The following ABCC4 variants were observed in gnomAD, a reference collection of about 807,000 sequenced individuals.
ABCC4 encodes the protein ATP binding cassette subfamily C member 4 (PEL blood group), also known as ATP-binding cassette sub-family C member 4.
In ABCC4, 102 loss-of-function variants were observed where a neutral mutation model predicts 168.5. The observed-to-expected ratio is 0.61, with a 90% CI of 0.52 to 0.71. ABCC4 has a LOEUF of 0.71. Among genes scored for constraint, ABCC4 ranks in the 30% least tolerant of loss-of-function variants. ABCC4 has a pLI of 0.00. For synonymous variants in ABCC4, 617 were observed against 590.7 expected (o/e 1.04, Z -0.65); for missense variants, 1,402 against 1,605.8 (o/e 0.87, Z 2.17).
rs114306497 is a variant in ABCC4, at chr13:95,236,547, G to A, written c.307-1713C>T. Among the ~76,000 whole-genome samples the A allele has an allele frequency of 5.3e-3, 804 of 152,124 alleles. 7 individuals carry two copies. The highest frequency in any genetic ancestry group is 0.019 in the African/African-American group (769 of 41,500). ...GAAGACATTCCCATCCCTCAGATGG[G>A]TCATGATATTAAATCCCAACAAGCC... On this transcript the variant is annotated intron_variant, in intron 3 of 30. Transcript: ENST00000645237.
chr13:95,273,424 G>A (rs573666919), intron 1 of ABCC4, among the ~76,000 whole-genome samples: 2 of 152,202 alleles, frequency 1.3e-5, no homozygotes, highest in South Asian at 4.2e-4. Flanking sequence ...CTTCCCTCAG[G>A]TTGTGAGTCT....
At chr13:95,107,954 A>AGAAG (rs1048149132) in intron 20 of ABCC4, among the ~76,000 whole-genome samples, 12 of 152,194 alleles carry the variant, frequency 7.9e-5, no homozygotes, top group Non-Finnish European at 2.9e-5. Context: ...AAAGAAAGAA[A>AGAAG]GAAAAGAAAA....
Position 95,163,867 on chromosome 13 carries a change from C to T in ABCC4, c.2176-220G>A, listed in dbSNP as rs7990193. ...TGGCCAACATAGTGAAACCCTATCT[C>T]TACTAAAAATACAAAAATTAGCCTA... On this transcript the variant is annotated intron_variant, in intron 16 of 30. Coordinates refer to ENST00000645237, the MANE Select transcript of ABCC4 (RefSeq NM_005845.5). Among the ~76,000 whole-genome samples the T allele has an allele frequency of 4.7e-4, 72 of 152,012 alleles. No homozygotes were observed. The highest frequency in any genetic ancestry group is 8.8e-4 in the Non-Finnish European group (60 of 67,980).
intron 7 of ABCC4, 51 bp downstream of exon 7, chr13:95,207,749 A>G (rs745580151): frequency 1.9e-6 from 3 of 1,570,136 alleles, no homozygotes; most frequent in Non-Finnish European, 2.6e-6. Context: ...ATCAACAAGA[A>G]TAGCAAATAG....
chr13:95,249,215 T>A (rs1294050115), intron 1 of ABCC4, among the ~76,000 whole-genome samples: 2 of 70,148 alleles, frequency 2.9e-5, no homozygotes, highest in Non-Finnish European at 5.5e-5. Context: ...CAAGGCTTTG[T>A]CTAAAAAAAA....
At chr13:95,156,594 T>C (rs2036863321) in intron 19 of ABCC4, among the ~76,000 whole-genome samples, 1 of 152,002 alleles carries the variant, frequency 6.6e-6, no homozygotes, top group African/African-American at 2.4e-5. Context: ...TAGGAAGAGG[T>C]AGATGCAGCG....
At chr13:95,119,387 CTGAAAAGGGTCTATATTAAG>C (rs1370004322) in intron 19 of ABCC4, among the ~76,000 whole-genome samples, 2 of 152,050 alleles carry the variant, frequency 1.3e-5, no homozygotes, top group Non-Finnish European at 2.9e-5. Flanking sequence ...ACCGAAATGT[CTGAAAAGGGTCTATATTAAG>C]TTATGAGCAC....
intron 14 of ABCC4, among the ~76,000 whole-genome samples, chr13:95,169,697 A>G (rs1308717798): frequency 1.3e-5 from 2 of 152,096 alleles, no homozygotes; most frequent in Admixed American, 6.6e-5. Flanking sequence ...CGACGATGGC[A>G]AGGACTTTGT....
intron 30 of ABCC4, among the ~76,000 whole-genome samples, chr13:95,033,661 TC>T (rs2031989554): frequency 7.4e-6 from 1 of 134,984 alleles, no homozygotes; most frequent in East Asian, 2.1e-4. Context: ...GGCAATTACA[TC>T]TTTTTTTTTT....
chr13:95,229,741 A>G (rs1457198978), intron 4 of ABCC4, among the ~76,000 whole-genome samples: 4 of 152,230 alleles, frequency 2.6e-5, no homozygotes, highest in Admixed American at 1.3e-4. Flanking sequence ...TCAGATGTTT[A>G]GCATTCAGGC....
chr13:95,058,760 C>T (rs1345366632), intron 26 of ABCC4, among the ~76,000 whole-genome samples: 4 of 152,100 alleles, frequency 2.6e-5, no homozygotes, highest in Non-Finnish European at 4.4e-5. Context: ...CTCCCTGAGC[C>T]TTAGTTTCCT....
chr13:95,038,230 A>C (rs983698637), intron 29 of ABCC4, among the ~76,000 whole-genome samples: 4 of 152,156 alleles, frequency 2.6e-5, no homozygotes, highest in African/African-American at 9.7e-5. Flanking sequence ...CATTGGAGGA[A>C]AATGGAAGTG....
At chr13:95,062,616 T>A in intron 26 of ABCC4, 88 bp downstream of exon 26, 1 of 1,241,296 alleles carries the variant, frequency 8.1e-7, no homozygotes, top group Non-Finnish European at 1.1e-6. Flanking sequence ...AATCCTTTCA[T>A]CCAATTAAAA....
chr13:95,244,279 C>T (rs2040025629), intron 3 of ABCC4, among the ~76,000 whole-genome samples: 1 of 151,982 alleles, frequency 6.6e-6, no homozygotes, highest in African/African-American at 2.4e-5. Flanking sequence ...ACCCAGTGTC[C>T]TCTTCCCAAA....
chr13:95,214,862 G>A lies in ABCC4; in HGVS notation c.532-4081C>T, dbSNP rs1312969869. 6.3e-5 allele frequency among the ~76,000 whole-genome samples: 7 copies of A among 110,276 alleles called. No individual in the cohort carries two copies. The East Asian group carries it at 1.6e-3, about 25-fold the overall frequency. 72.3% of individuals were successfully genotyped at this position (110,276 alleles called of 152,430 possible). ...GATCGCGCCACTCCACTCCAGCCTG[G>A]GTGATAGGTGAGACTCCAATTCAAA... is the stretch of plus-strand genomic sequence containing the variant. On this transcript the variant is annotated intron_variant, in intron 4 of 30. Coordinates refer to ENST00000645237, the MANE Select transcript of ABCC4 (RefSeq NM_005845.5).
intron 1 of ABCC4, among the ~76,000 whole-genome samples, chr13:95,285,679 T>G (rs747792776): frequency 6.6e-6 from 1 of 152,094 alleles, no homozygotes; most frequent in Admixed American, 6.6e-5. Flanking sequence ...GTATATAACA[T>G]GAGCTAAGGG....
intron 25 of ABCC4, among the ~76,000 whole-genome samples, chr13:95,064,281 T>A (rs1333455380): frequency 7.5e-6 from 1 of 133,718 alleles, no homozygotes; most frequent in Non-Finnish European, 1.5e-5. Flanking sequence ...TATATATATA[T>A]ATATATATAT....
chr13:95,165,092 G>T (rs1341645534), intron 15 of ABCC4, among the ~76,000 whole-genome samples: 2 of 152,136 alleles, frequency 1.3e-5, no homozygotes, highest in African/African-American at 4.8e-5. Flanking sequence ...CTTGCTGGAA[G>T]GATGCCATCA....
chr13:95,249,242 CAT>C (rs1335459350), intron 1 of ABCC4, among the ~76,000 whole-genome samples: 2 of 117,714 alleles, frequency 1.7e-5, no homozygotes, highest in Non-Finnish European at 3.7e-5. Context: ...GAAGAAGAAA[CAT>C]ATTTGTGCCC....
Sources: gnomAD v4.1 joint callset for allele counts (sites outside exome capture counted in the v4.1 genomes callset) on GRCh38, gnomAD v4.1.1 for gene constraint, MANE v1.5 for transcripts, NCBI Gene and HGNC (gene_info 2026-07-23, HGNC 2026-07-21) for gene names.